NAT1: variants seen among roughly 807,000 people sequenced by gnomAD.
The protein encoded by NAT1 is arylamine N-acetyltransferase 1.
For synonymous variants in NAT1, 144 were observed against 122.6 expected, an observed-to-expected ratio of 1.17 and a Z score of -1.16; for missense variants, 400 against 339.2, an observed-to-expected ratio of 1.18 and a Z score of -1.41.
At chr8:18,178,747 G>C (rs116701037) in intron 2 of NAT1, among the ~76,000 whole-genome samples, 57 of 152,264 alleles carry the variant, frequency 3.7e-4, no homozygotes, top group African/African-American at 1.3e-3. Context: ...ACTGTAACCA[G>C]TTTCCCTAAC....
chr8:18,179,320 G>A (rs377171050), intron 2 of NAT1, among the ~76,000 whole-genome samples: 1 of 152,220 alleles, frequency 6.6e-6, no homozygotes, highest in South Asian at 2.1e-4. Context: ...AGGTAGATAG[G>A]GAAGAGAGAG....
intron 2 of NAT1, among the ~76,000 whole-genome samples, chr8:18,171,151 T>A (rs1802081965): frequency 1.1e-4 from 16 of 152,190 alleles, no homozygotes; most frequent in Admixed American, 1.0e-3. Flanking sequence ...GGCCTCAGTC[T>A]GACTGGGTCA....
At chr8:18,191,998 T>A (rs1465330093) in intron 2 of NAT1, among the ~76,000 whole-genome samples, 4 of 151,764 alleles carry the variant, frequency 2.6e-5, no homozygotes, top group Non-Finnish European at 5.9e-5. Context: ...TGGGATCTAA[T>A]TAAACTAAAG....
At chr8:18,188,587 G>A (rs1351814205) in intron 2 of NAT1, among the ~76,000 whole-genome samples, 1 of 151,956 alleles carries the variant, frequency 6.6e-6, no homozygotes, top group Non-Finnish European at 1.5e-5. Flanking sequence ...CTTTATTTTT[G>A]TGTATGTTTG....
At chr8:18,178,014 G>GA (rs1802357753) in intron 2 of NAT1, among the ~76,000 whole-genome samples, 1 of 152,026 alleles carries the variant, frequency 6.6e-6, no homozygotes. Context: ...ATCCTCCCTG[G>GA]ATTTTCTAAC....
intron 2 of NAT1, among the ~76,000 whole-genome samples, chr8:18,203,905 G>A (rs1046621987): frequency 2.0e-5 from 3 of 152,254 alleles, no homozygotes; most frequent in South Asian, 2.1e-4. Flanking sequence ...GGCTAGACAC[G>A]TTAAAGATGG....
rs28359504 is a variant in NAT1, at chr8:18,217,392, G to A, written c.-85-2019G>A. 6.4e-3 allele frequency among the ~76,000 whole-genome samples: 972 copies of A among 152,334 alleles called. 9 individuals are homozygous for A. Among genetic ancestry groups the A allele is most frequent in the African/African-American group, 0.022 (897 of 41,562 alleles). On this transcript the variant is annotated intron_variant, in intron 1 of 2. Coordinates refer to ENST00000307719, the MANE Select transcript of NAT1 (RefSeq NM_000662.8). ...TGAAGTTTGTCTTCAGACGCTTTGC[G>A]TCCCTTGCTGGCTGAGTAAATGTAG...
At chr8:18,174,400 C>T (rs1802210707) in intron 2 of NAT1, among the ~76,000 whole-genome samples, 2 of 152,100 alleles carry the variant, frequency 1.3e-5, no homozygotes, top group Non-Finnish European at 2.9e-5. Context: ...GAAGTCACCT[C>T]ACCCCTTAAT....
intron 2 of NAT1, among the ~76,000 whole-genome samples, chr8:18,200,595 T>C (rs1011545835): frequency 6.6e-6 from 1 of 152,190 alleles, no homozygotes; most frequent in African/African-American, 2.4e-5. Flanking sequence ...CTATGCTTAT[T>C]ACCTGGGTGA....
chr8:18,191,909 C>G (rs1354941875), intron 2 of NAT1, among the ~76,000 whole-genome samples: 1 of 152,146 alleles, frequency 6.6e-6, no homozygotes. Context: ...TAGGCATTAC[C>G]ATTTAGGACA....
intron 1 of NAT1, among the ~76,000 whole-genome samples, chr8:18,218,593 G>A (rs1804940314): frequency 6.6e-6 from 1 of 152,196 alleles, no homozygotes. Flanking sequence ...TAAGGCAGTT[G>A]TAAGCTCATG....
chr8:18,186,276 T>C (rs1563166090), intron 2 of NAT1, among the ~76,000 whole-genome samples: 2 of 152,200 alleles, frequency 1.3e-5, no homozygotes, highest in Non-Finnish European at 2.9e-5. Context: ...ATCTTGATGT[T>C]TTACTGTATG....
chr8:18,218,303 G>C (rs377083275), intron 1 of NAT1, among the ~76,000 whole-genome samples: 4 of 152,170 alleles, frequency 2.6e-5, no homozygotes, highest in East Asian at 1.9e-4. Context: ...ATGAAAAAAA[G>C]ATATGGGCAT....
Position 18,222,350 on chromosome 8 carries a change from C to G in NAT1, c.303C>G (p.Tyr101Ter). 6.2e-7 allele frequency: 1 copy of G among 1,614,102 alleles called. No individual in the cohort carries two copies. Among genetic ancestry groups the G allele is most frequent in the Non-Finnish European group, 8.5e-7 (1 of 1,180,000 alleles). Reference sequence around the variant, plus strand: ...TTTACAGCACTCCAGCCAAAAAATACAGCACTGGCATGATTCACCTTCTCC... The same window carrying G: ...TTTACAGCACTCCAGCCAAAAAATAGAGCACTGGCATGATTCACCTTCTCC... ...GYVYSTPAKK[Y>*]STGMIHLLLQ... Residue 101 changes from tyrosine to a stop codon, truncating the protein, a stop_gained, in exon 3 of 3, where the codon TAC becomes TAG. Transcript: ENST00000307719. LOFTEE classifies it low-confidence loss of function (END_TRUNC).
intron 2 of NAT1, among the ~76,000 whole-genome samples, chr8:18,204,251 A>G (rs1386030861): frequency 1.3e-5 from 2 of 152,000 alleles, no homozygotes; most frequent in Non-Finnish European, 2.9e-5. Flanking sequence ...ACTCACCCAC[A>G]TGTATCTGTG....
At chr8:18,174,346 C>T (rs1466248560) in intron 2 of NAT1, among the ~76,000 whole-genome samples, 1 of 152,104 alleles carries the variant, frequency 6.6e-6, no homozygotes, top group Non-Finnish European at 1.5e-5. Context: ...AGATTAAACA[C>T]ATCATTATTT....
intron 2 of NAT1, among the ~76,000 whole-genome samples, chr8:18,185,917 A>G (rs537078836): frequency 6.6e-6 from 1 of 152,222 alleles, no homozygotes; most frequent in South Asian, 2.1e-4. Flanking sequence ...TGGCTTAGTT[A>G]TAAGTGTCCT....
At chr8:18,189,135 C>T (rs981630749) in intron 2 of NAT1, among the ~76,000 whole-genome samples, 2 of 152,020 alleles carry the variant, frequency 1.3e-5, no homozygotes, top group African/African-American at 4.8e-5. Context: ...ATTATTCACT[C>T]ATCAAAGTTG....
At chr8:18,184,045 G>A (rs1454830103) in intron 2 of NAT1, among the ~76,000 whole-genome samples, 1 of 152,060 alleles carries the variant, frequency 6.6e-6, no homozygotes, top group Non-Finnish European at 1.5e-5. Flanking sequence ...GGGCGGGGTG[G>A]TGGGGGGGTC....
Sources: gnomAD v4.1 joint callset for allele counts (sites outside exome capture counted in the v4.1 genomes callset) on GRCh38, gnomAD v4.1.1 for gene constraint, MANE v1.5 for transcripts, NCBI Gene and HGNC (gene_info 2026-07-23, HGNC 2026-07-21) for gene names.